TMEM87A: variants seen among roughly 807,000 people sequenced by gnomAD.
The protein encoded by TMEM87A is Golgi-pH regulating cation channel.
In TMEM87A, 50 loss-of-function variants were observed where a neutral mutation model predicts 90.0. The observed-to-expected ratio is 0.56, with a 90% CI of 0.44 to 0.70. TMEM87A has a LOEUF of 0.70. Ranked by LOEUF, TMEM87A falls within the 30% of genes least tolerant of loss-of-function variation. TMEM87A has a pLI of 0.00. For missense variants in TMEM87A, 577 were observed against 660.5 expected (o/e 0.87, Z 1.39); for synonymous variants, 226 against 226.7 (o/e 1.00, Z 0.03).
rs1424725310 is a variant in TMEM87A at position 42,211,333 on chromosome 15, A to G, written c.*375T>C. The G allele has an allele frequency of 6.0e-6, 1 of 167,014 alleles. No individual in the cohort carries two copies. The highest frequency in any genetic ancestry group is 1.3e-5 in the Non-Finnish European group (1 of 77,304). 10.3% of individuals were successfully genotyped at this position (167,014 alleles called of 1,614,324 possible). A position where few individuals can be genotyped will look rare whatever the true frequency, so the allele number is the denominator to read the frequency against. On this transcript the variant is annotated 3_prime_UTR_variant, in exon 20 of 20. Transcript: ENST00000389834. ...ACAGGCAGTTGCTCCTGGAGATTAC[A>G]TATTATGGTGTTGATGACAATCTTT...
intron 5 of TMEM87A, 89 bp downstream of exon 5, chr15:42,261,107 C>A: frequency 6.5e-7 from 1 of 1,540,234 alleles, no homozygotes; most frequent in Non-Finnish European, 8.9e-7. Context: ...GTGCAGCACT[C>A]CCTCCTTAGA....
At chr15:42,219,964 CA>C (rs2050445494) in intron 16 of TMEM87A, 97 bp downstream of exon 16, 1 of 1,188,894 alleles carries the variant, frequency 8.4e-7, no homozygotes, top group South Asian at 1.6e-5. Context: ...CTTCATCCCA[CA>C]CCAAATATAG....
At chr15:42,248,061 G>C (rs7169941) in intron 6 of TMEM87A, among the ~76,000 whole-genome samples, 141,833 of 152,176 alleles carry the variant, frequency 0.93, 66,895 homozygotes, top group Non-Finnish European at 1. Context: ...GTGAATGGGA[G>C]TTCACTCATG....
chr15:42,254,898 G>A (rs1247322060), intron 6 of TMEM87A, among the ~76,000 whole-genome samples: 1 of 151,752 alleles, frequency 6.6e-6, no homozygotes, highest in African/African-American at 2.4e-5. Flanking sequence ...GTGCCACAGT[G>A]GTGCAGTATG....
chr15:42,213,289 G>A (rs1305594045), intron 19 of TMEM87A, among the ~76,000 whole-genome samples: 1 of 152,220 alleles, frequency 6.6e-6, no homozygotes, highest in Non-Finnish European at 1.5e-5. Flanking sequence ...AAGGGCCCAG[G>A]TTGGAAGTTG....
intron 7 of TMEM87A, among the ~76,000 whole-genome samples, chr15:42,240,530 A>C (rs1180930681): frequency 1.3e-5 from 2 of 152,244 alleles, no homozygotes; most frequent in African/African-American, 4.8e-5. Context: ...ATAAAGTAAC[A>C]GTAATAACAT....
At chr15:42,214,603 T>C (rs1262020699) in intron 19 of TMEM87A, among the ~76,000 whole-genome samples, 1 of 152,140 alleles carries the variant, frequency 6.6e-6, no homozygotes, top group East Asian at 1.9e-4. Flanking sequence ...CAACAAATGG[T>C]GCTGGAAAAA....
In TMEM87A at chr15:42,211,012, G is replaced by A. The variant is rs1364514641; in HGVS notation, c.*696C>T. 4 of 152,514 alleles carry A rather than the reference G, an allele frequency of 2.6e-5. No individual in the cohort carries two copies. Among genetic ancestry groups the A allele is most frequent in the Non-Finnish European group, 1.5e-5 (1 of 68,016 alleles). The allele number at this position is 152,514 out of a possible 1,614,324, so 9.4% of individuals were successfully genotyped here. ...TGTCACAATAGCAGATGTCAAAAGA[G>A]TTAAGCTAATATTTCTCTTTAAAGT... On this transcript the variant is annotated 3_prime_UTR_variant, in exon 20 of 20. Transcript: ENST00000389834.
At chr15:42,218,253 C>G in intron 18 of TMEM87A, 70 bp downstream of exon 18, 1 of 1,462,122 alleles carries the variant, frequency 6.8e-7, no homozygotes, top group South Asian at 1.2e-5. Flanking sequence ...ATAACTTGCT[C>G]ATTTAAAATA....
intron 4 of TMEM87A, 33 bp from the exon 5 acceptor site, chr15:42,261,282 G>A (rs373365332): frequency 7.8e-5 from 124 of 1,589,212 alleles, no homozygotes; most frequent in Admixed American, 1.7e-4. Context: ...AACATTAAAG[G>A]TGTGTAAATA....
chr15:42,214,125 G>A lies in TMEM87A; in HGVS notation c.1627-2376C>T, dbSNP rs183472759. 2.8e-3 allele frequency among the ~76,000 whole-genome samples: 388 copies of A among 137,370 alleles called. 3 individuals are homozygous for A. Among genetic ancestry groups the A allele is most frequent in the African/African-American group, 8.0e-3 (320 of 39,906 alleles). The allele number at this position is 137,370 out of a possible 152,430, so 90.1% of individuals were successfully genotyped here. On this transcript the variant is annotated intron_variant, in intron 19 of 19. Transcript: ENST00000389834. ...TGAATCATCAAGGAATAGAAAATCC[G>A]GGGGGGGAACACACAACCTGGTAAG...
In TMEM87A at chr15:42,211,633, C is replaced by T. The variant is rs2050288260; in HGVS notation, c.*75G>A. Reference sequence around the variant, plus strand: ...CATTGCTTCCTTTAATCCCATGGAGCCGTACAGAAGACTGACACAGATGCT... The same window carrying T: ...CATTGCTTCCTTTAATCCCATGGAGTCGTACAGAAGACTGACACAGATGCT... On this transcript the variant is annotated 3_prime_UTR_variant, in exon 20 of 20. Coordinates refer to ENST00000389834, the MANE Select transcript of TMEM87A (RefSeq NM_015497.5). 2 of 1,407,136 alleles carry T rather than the reference C, an allele frequency of 1.4e-6. No homozygotes were observed. Among genetic ancestry groups the T allele is most frequent in the East Asian group, 4.6e-5 (2 of 43,696 alleles). 87.2% of individuals were successfully genotyped at this position (1,407,136 alleles called of 1,614,324 possible).
intron 7 of TMEM87A, among the ~76,000 whole-genome samples, chr15:42,240,330 C>T (rs913792938): frequency 1.3e-5 from 2 of 152,108 alleles, no homozygotes; most frequent in South Asian, 2.1e-4. Flanking sequence ...TATACCATCC[C>T]TCATACAAGA....
chr15:42,244,308 A>C (rs2050930099), intron 6 of TMEM87A, 141 bp from the exon 7 acceptor site: 1 of 572,492 alleles, frequency 1.7e-6, no homozygotes, highest in Non-Finnish European at 3.0e-6. Flanking sequence ...AACATTAGGC[A>C]CAACAAACCA....
intron 6 of TMEM87A, among the ~76,000 whole-genome samples, chr15:42,250,712 T>C (rs1014915305): frequency 6.6e-6 from 1 of 152,170 alleles, no homozygotes; most frequent in Admixed American, 6.5e-5. Context: ...GACAATTATG[T>C]GTCTTGGGGT....
At chr15:42,239,866 T>C (rs1385632790) in intron 7 of TMEM87A, 135 bp from the exon 8 acceptor site, 10 of 741,086 alleles carry the variant, frequency 1.3e-5, no homozygotes, top group Admixed American at 2.0e-5. Flanking sequence ...TCCTGGTCAA[T>C]ATTACATTAT....
intron 10 of TMEM87A, among the ~76,000 whole-genome samples, chr15:42,234,381 T>A (rs1355069638): frequency 6.6e-6 from 1 of 152,202 alleles, no homozygotes; most frequent in Admixed American, 6.5e-5. Flanking sequence ...GCATAGGCCT[T>A]ACCAATATTT....
intron 6 of TMEM87A, among the ~76,000 whole-genome samples, chr15:42,253,974 T>C (rs1595738726): frequency 6.6e-6 from 1 of 152,234 alleles, no homozygotes; most frequent in Non-Finnish European, 1.5e-5. Flanking sequence ...GTCTAGGACA[T>C]CTGACCCGAG....
chr15:42,238,750 T>TA (rs386382839), intron 8 of TMEM87A, among the ~76,000 whole-genome samples: 12 of 13,056 alleles, frequency 9.2e-4, no homozygotes, highest in Non-Finnish European at 8.3e-3. Context: ...TGAGACTCTC[T>TA]TTTTTTTTTT....
Sources: allele counts gnomAD v4.1 joint callset (sites outside exome capture counted in the v4.1 genomes callset), GRCh38; gene constraint gnomAD v4.1.1; transcripts MANE v1.5; gene names NCBI Gene and HGNC (gene_info 2026-07-23, HGNC 2026-07-21).